Variants in UNC5D observed in about 807,000 individuals in gnomAD.
The protein encoded by UNC5D is netrin receptor UNC5D.
UNC5D carries 39 observed loss-of-function variants against 105.4 expected under a neutral mutation model. The observed-to-expected ratio is 0.37, with a 90% CI of 0.29 to 0.48. The LOEUF (loss-of-function observed/expected upper bound fraction) is 0.48. UNC5D is among the 20% of genes least tolerant of loss of function. UNC5D has a pLI of 0.98. For missense variants in UNC5D, 991 were observed against 1,202.4 expected (o/e 0.82, Z 2.60); for synonymous variants, 452 against 450.4 (o/e 1.00, Z -0.04).
chr8:35,788,867 GAC>G, intron 16 of UNC5D, among the ~76,000 whole-genome samples: 1 of 151,914 alleles, frequency 6.6e-6, no homozygotes, highest in Admixed American at 6.6e-5. Flanking sequence ...GAACCATTGA[GAC>G]ACACACAAAA....
chr8:35,601,623 T>G (rs376898421), intron 4 of UNC5D, among the ~76,000 whole-genome samples: 1 of 152,218 alleles, frequency 6.6e-6, no homozygotes, highest in South Asian at 2.1e-4. Flanking sequence ...TGTATAAGAA[T>G]GCTTGTGATT....
chr8:35,360,566 G>A (rs10503977), intron 1 of UNC5D, among the ~76,000 whole-genome samples: 4,054 of 152,134 alleles, frequency 0.027, 176 homozygotes, highest in African/African-American at 0.092. Flanking sequence ...TTAGTGCATC[G>A]TCTATAGGTT....
chr8:35,754,618 G>A (rs917429626), intron 13 of UNC5D, among the ~76,000 whole-genome samples: 3 of 152,142 alleles, frequency 2.0e-5, no homozygotes, highest in Non-Finnish European at 4.4e-5. Flanking sequence ...AGAACTGGGT[G>A]GGGACCAGGC....
At chr8:35,674,670 G>A (rs754472124) in intron 4 of UNC5D, among the ~76,000 whole-genome samples, 2 of 152,122 alleles carry the variant, frequency 1.3e-5, no homozygotes, top group African/African-American at 4.8e-5. Context: ...GTATTGGTTA[G>A]ACCAGAGTCC....
At position 35,724,305 on chromosome 8, in the gene UNC5D, C is replaced by T. The variant is rs1276813813; in HGVS notation, c.1304-1847C>T. 2.6e-6 allele frequency: 4 copies of T among 1,535,266 alleles called. No individual in the cohort carries two copies. In the Admixed American group the frequency reaches 5.9e-5, roughly 23 times the overall value. On this transcript the variant is annotated intron_variant, in intron 9 of 16. Transcript: ENST00000404895. ...GAAAAATCCTTTGGTAAATGCCACT[C>T]TCCCTGCATTTATTATGGTAATCTG...
At chr8:35,634,052 T>G (rs1030955142) in intron 4 of UNC5D, among the ~76,000 whole-genome samples, 1 of 152,264 alleles carries the variant, frequency 6.6e-6, no homozygotes, top group Non-Finnish European at 1.5e-5. Context: ...ATACTGGCAT[T>G]TGATTTTAAC....
intron 1 of UNC5D, among the ~76,000 whole-genome samples, chr8:35,422,155 CA>C (rs1467905009): frequency 5.3e-5 from 8 of 152,178 alleles, no homozygotes; most frequent in Non-Finnish European, 8.8e-5. Context: ...GAGCTGCCAC[CA>C]GTTGTCACCG....
At chr8:35,415,343 C>A (rs984917556) in intron 1 of UNC5D, among the ~76,000 whole-genome samples, 1 of 152,056 alleles carries the variant, frequency 6.6e-6, no homozygotes, top group Non-Finnish European at 1.5e-5. Flanking sequence ...AATTTCCAGA[C>A]CCCCTTTGAC....
chr8:35,249,034 A>G (rs371120360), intron 1 of UNC5D, among the ~76,000 whole-genome samples: 236 of 23,152 alleles, frequency 0.01, 3 homozygotes, highest in African/African-American at 0.016. Context: ...TGTTTATATA[A>G]TATATATTAT....
At chr8:35,305,126 T>C (rs1265984595) in intron 1 of UNC5D, among the ~76,000 whole-genome samples, 1 of 152,066 alleles carries the variant, frequency 6.6e-6, no homozygotes, top group Admixed American at 6.6e-5. Context: ...CAAATTATGA[T>C]AGCGGTCATC....
At chr8:35,419,992 C>T (rs1030538404) in intron 1 of UNC5D, among the ~76,000 whole-genome samples, 8 of 151,838 alleles carry the variant, frequency 5.3e-5, no homozygotes, top group East Asian at 3.9e-4. Context: ...TTTATGGGCT[C>T]GGAATGGGGG....
chr8:35,700,490 A>G (rs1011511092), intron 7 of UNC5D, among the ~76,000 whole-genome samples: 2 of 151,798 alleles, frequency 1.3e-5, no homozygotes, highest in Non-Finnish European at 2.9e-5. Flanking sequence ...TTTAGTGACT[A>G]TAAGTTAGTT....
At chr8:35,743,213 A>C (rs917651779) in intron 11 of UNC5D, among the ~76,000 whole-genome samples, 1 of 152,158 alleles carries the variant, frequency 6.6e-6, no homozygotes, top group Admixed American at 6.5e-5. Context: ...TTTCTTTGTA[A>C]GAATTCTGGA....
At chr8:35,437,891 C>T (rs1807133472) in intron 1 of UNC5D, among the ~76,000 whole-genome samples, 1 of 150,990 alleles carries the variant, frequency 6.6e-6, no homozygotes, top group Non-Finnish European at 1.5e-5. Context: ...TGATATTTGG[C>T]TTGTAAACTG....
intron 4 of UNC5D, among the ~76,000 whole-genome samples, chr8:35,606,123 G>T (rs1379593416): frequency 6.6e-6 from 1 of 151,848 alleles, no homozygotes; most frequent in African/African-American, 2.4e-5. Context: ...CTGTAGCTGG[G>T]ATTACAGGCA....
chr8:35,759,379 G>T lies in UNC5D; in HGVS notation c.2223G>T (p.Leu741=). The change falls in exon 14 of 17, where the codon CTG becomes CTT. Residue 741 remains leucine, a synonymous_variant. Coordinates refer to ENST00000404895, the MANE Select transcript of UNC5D (RefSeq NM_080872.4). ...GGQLLEEPKL[L]HFKGNTFSLQ... ...AGCTCCTGGAAGAACCAAAATTGCTGCATTTCAAAGGGAATACCTTTAGTC... is the reference window on the plus strand; with the variant it reads ...AGCTCCTGGAAGAACCAAAATTGCTTCATTTCAAAGGGAATACCTTTAGTC... 3 of 1,614,116 alleles carry T rather than the reference G, an allele frequency of 1.9e-6. No homozygotes were observed. Among genetic ancestry groups the T allele is most frequent in the Non-Finnish European group, 2.5e-6 (3 of 1,179,996 alleles).
At chr8:35,271,528 G>A (rs1805334571) in intron 1 of UNC5D, among the ~76,000 whole-genome samples, 2 of 142,880 alleles carry the variant, frequency 1.4e-5, no homozygotes, top group African/African-American at 5.1e-5. Context: ...TATGTATACA[G>A]GTATATATTT....
chr8:35,525,670 A>T (rs1170432474), intron 1 of UNC5D: 36 of 1,611,354 alleles, frequency 2.2e-5, no homozygotes, highest in Non-Finnish European at 2.9e-5. Flanking sequence ...TGGTAGTCAA[A>T]GGCTACCACC....
At chr8:35,380,222 GGAGAGAGA>G (rs1319752379) in intron 1 of UNC5D, among the ~76,000 whole-genome samples, 1 of 132,238 alleles carries the variant, frequency 7.6e-6, no homozygotes, top group Non-Finnish European at 1.6e-5. Flanking sequence ...AGAGAGAGAG[GGAGAGAGA>G]GAGAGAGAGT....
Sources: allele counts gnomAD v4.1 joint callset (sites outside exome capture counted in the v4.1 genomes callset), GRCh38; gene constraint gnomAD v4.1.1; transcripts MANE v1.5; gene names NCBI Gene and HGNC (gene_info 2026-07-23, HGNC 2026-07-21).